CHODL: variants seen among roughly 807,000 people sequenced by gnomAD.
CHODL encodes transmembrane protein MT75.
Under a neutral mutation model 34.5 loss-of-function variants are expected in CHODL, and 29 were observed. That is an observed-to-expected ratio of 0.84 (90% CI 0.63 to 1.15). The LOEUF is 1.15. Ranked by LOEUF, CHODL falls within the 50% of genes most tolerant of loss-of-function variation. The pLI, the probability that CHODL is intolerant of heterozygous loss-of-function variation, is 0.00. For missense variants in CHODL, 332 were observed against 332.5 expected, an observed-to-expected ratio of 1.00 and a Z score of 0.01; for synonymous variants, 125 against 116.1, an observed-to-expected ratio of 1.08 and a Z score of -0.49.
intron 1 of CHODL, among the ~76,000 whole-genome samples, chr21:18,017,350 T>A (rs997955954): frequency 1.5e-4 from 23 of 151,944 alleles, no homozygotes; most frequent in African/African-American, 5.6e-4. Flanking sequence ...AGTGAGGGAG[T>A]TTTCACATTG....
chr21:18,207,149 C>T (rs1267118875), intron 2 of CHODL, among the ~76,000 whole-genome samples: 1 of 152,072 alleles, frequency 6.6e-6, no homozygotes, highest in African/African-American at 2.4e-5. Context: ...GTTTTCTGTC[C>T]TTGTGATACT....
chr21:18,207,263 T>C (rs1706311709), intron 2 of CHODL, among the ~76,000 whole-genome samples: 1 of 152,202 alleles, frequency 6.6e-6, no homozygotes. Flanking sequence ...GTGTGCCACA[T>C]TTTCTTAATC....
intron 2 of CHODL, among the ~76,000 whole-genome samples, chr21:18,062,626 TGTG>T (rs1173640435): frequency 6.6e-6 from 1 of 152,032 alleles, no homozygotes; most frequent in African/African-American, 2.4e-5. Flanking sequence ...ATTAGCCCGA[TGTG>T]GTGGTGCCCA....
At position 18,224,047 on chromosome 21, in the gene CHODL, AT is replaced by A. The variant is rs151179098; in HGVS notation, c.-44-32461del. 3.2e-3 allele frequency among the ~76,000 whole-genome samples: 494 copies of A among 152,278 alleles called. 5 individuals carry two copies. The highest frequency in any genetic ancestry group is 0.012 in the African/African-American group (479 of 41,554). ...TACTTTAAAGGGAAATCACAATGGA[AT>A]AAATGAGGAAGAGCCCAATACGGCT... On this transcript the variant is annotated intron_variant, in intron 2 of 6. Transcript: ENST00000400127.
intron 2 of CHODL, among the ~76,000 whole-genome samples, chr21:18,123,787 C>T (rs1404435705): frequency 5.3e-5 from 8 of 152,024 alleles, no homozygotes; most frequent in Non-Finnish European, 8.8e-5. Context: ...TTGTGCGGGG[C>T]GGGTGGCATT....
chr21:18,005,737 A>G (rs2063954154), intron 1 of CHODL, among the ~76,000 whole-genome samples: 1 of 152,170 alleles, frequency 6.6e-6, no homozygotes, highest in Admixed American at 6.5e-5. Flanking sequence ...TTTGTAGTTA[A>G]CCAGAATCCA....
chr21:18,127,669 A>G lies in CHODL; in HGVS notation c.-45+99698A>G, dbSNP rs867952818. On this transcript the variant is annotated intron_variant, in intron 2 of 6. Transcript: ENST00000400127. Reference sequence around the variant, plus strand: ...TGGTTACATAACCAGTTGCGTTGCCATTGTTTTTTTTTTTTTTTTTTTTTT... The same window carrying G: ...TGGTTACATAACCAGTTGCGTTGCCGTTGTTTTTTTTTTTTTTTTTTTTTT... Among the ~76,000 whole-genome samples the G allele has an allele frequency of 2.1e-3, 158 of 76,702 alleles. 2 individuals are homozygous for G. The highest frequency in any genetic ancestry group is 8.6e-3 in the African/African-American group (152 of 17,634). The allele number at this position is 76,702 out of a possible 152,430, so 50.3% of individuals were successfully genotyped here.
At chr21:18,136,456 C>G (rs2072729503) in intron 2 of CHODL, among the ~76,000 whole-genome samples, 1 of 152,084 alleles carries the variant, frequency 6.6e-6, no homozygotes, top group Admixed American at 6.6e-5. Context: ...ATGTACCACA[C>G]AGCCCAGGAA....
chr21:18,043,748 G>A (rs956069610), intron 2 of CHODL, among the ~76,000 whole-genome samples: 20 of 152,024 alleles, frequency 1.3e-4, no homozygotes, highest in African/African-American at 4.6e-4. Flanking sequence ...TGCTGATAAA[G>A]GCATACCAGA....
chr21:18,064,760 C>T (rs541970961), intron 2 of CHODL, among the ~76,000 whole-genome samples: 2 of 152,216 alleles, frequency 1.3e-5, no homozygotes, highest in South Asian at 4.2e-4. Context: ...CGCACACACA[C>T]ATGCGCGCAC....
chr21:17,990,918 T>C (rs1016529493), intron 1 of CHODL, among the ~76,000 whole-genome samples: 13 of 152,146 alleles, frequency 8.5e-5, no homozygotes, highest in Non-Finnish European at 1.5e-5. Context: ...TTATTCCTTC[T>C]ATCTAATGAT....
At chr21:17,989,516 G>C (rs998931602) in intron 1 of CHODL, among the ~76,000 whole-genome samples, 1 of 152,124 alleles carries the variant, frequency 6.6e-6, no homozygotes, top group Non-Finnish European at 1.5e-5. Flanking sequence ...ATTTATATTA[G>C]AGTTCTAAAA....
intron 2 of CHODL, among the ~76,000 whole-genome samples, chr21:18,078,213 TCA>T (rs2064890109): frequency 6.6e-6 from 1 of 152,138 alleles, no homozygotes; most frequent in African/African-American, 2.4e-5. Flanking sequence ...GTTGAGGGAC[TCA>T]CAGTTCCACA....
intron 2 of CHODL, among the ~76,000 whole-genome samples, chr21:18,058,973 A>T (rs1282323172): frequency 6.6e-6 from 1 of 152,152 alleles, no homozygotes; most frequent in African/African-American, 2.4e-5. Flanking sequence ...CAATTTATGA[A>T]GTTACATCCC....
At chr21:17,936,503 G>A (rs1185881455) in intron 1 of CHODL, among the ~76,000 whole-genome samples, 7 of 151,642 alleles carry the variant, frequency 4.6e-5, no homozygotes, top group Non-Finnish European at 8.8e-5. Context: ...AGTCCATTTG[G>A]AAAATGTGGT....
At chr21:18,054,626 G>A (rs1036362966) in intron 2 of CHODL, among the ~76,000 whole-genome samples, 2 of 151,918 alleles carry the variant, frequency 1.3e-5, no homozygotes, top group Non-Finnish European at 2.9e-5. Flanking sequence ...ATAAAAAGAT[G>A]TTGGTCAAAG....
intron 1 of CHODL, among the ~76,000 whole-genome samples, chr21:18,249,488 G>A (rs2074209360): frequency 6.6e-6 from 1 of 152,008 alleles, no homozygotes; most frequent in South Asian, 2.1e-4. Flanking sequence ...ATTTGTAACA[G>A]AAAATCTAAT....
intron 2 of CHODL, among the ~76,000 whole-genome samples, chr21:18,042,694 G>A (rs1333149372): frequency 6.6e-6 from 1 of 151,916 alleles, no homozygotes; most frequent in Non-Finnish European, 1.5e-5. Flanking sequence ...ATCACTTGAT[G>A]TGCATAAACT....
At chr21:17,917,969 A>G (rs1326191383) in intron 1 of CHODL, among the ~76,000 whole-genome samples, 1 of 152,092 alleles carries the variant, frequency 6.6e-6, no homozygotes, top group Non-Finnish European at 1.5e-5. Context: ...AAGTAGTTAT[A>G]ATAAATGTGC....
Sources: gnomAD v4.1 joint callset for allele counts (sites outside exome capture counted in the v4.1 genomes callset) on GRCh38, gnomAD v4.1.1 for gene constraint, MANE v1.5 for transcripts, NCBI Gene and HGNC (gene_info 2026-07-23, HGNC 2026-07-21) for gene names.